NTRK3: variants seen among roughly 807,000 people sequenced by gnomAD.
NTRK3 encodes neurotrophic receptor tyrosine kinase 3.
Under a neutral mutation model 91.7 loss-of-function variants are expected in NTRK3, and 24 were observed. The observed-to-expected ratio is 0.26, with a 90% CI of 0.19 to 0.37. The LOEUF is 0.37. NTRK3 is among the 10% of genes least tolerant of loss of function. The pLI is 1.00. For missense variants in NTRK3, 880 were observed against 1,068.9 expected (o/e 0.82, Z 2.46); for synonymous variants, 483 against 404.0 (o/e 1.20, Z -2.34).
At chr15:88,136,704 G>T in intron 7 of NTRK3, 95 bp from the exon 8 acceptor site, 1 of 1,471,122 alleles carries the variant, frequency 6.8e-7, no homozygotes, top group South Asian at 1.3e-5. Flanking sequence ...TTCTTGCCTT[G>T]CCCAGTAATG....
intron 13 of NTRK3, among the ~76,000 whole-genome samples, chr15:88,046,168 A>G (rs1344802194): frequency 6.6e-6 from 1 of 152,156 alleles, no homozygotes; most frequent in Non-Finnish European, 1.5e-5. Context: ...GTGAACTGGG[A>G]GTTCAATCTA....
At chr15:88,242,959 C>T (rs1415110188) in intron 3 of NTRK3, among the ~76,000 whole-genome samples, 1 of 152,236 alleles carries the variant, frequency 6.6e-6, no homozygotes, top group African/African-American at 2.4e-5. Context: ...CCCTCCAACA[C>T]CTGCCCTAGG....
chr15:88,097,399 T>C (rs1567395503), intron 13 of NTRK3, among the ~76,000 whole-genome samples: 3 of 152,180 alleles, frequency 2.0e-5, no homozygotes, highest in Non-Finnish European at 2.9e-5. Context: ...AGGAACGCAC[T>C]GATAAGAACT....
At chr15:87,964,996 T>G (rs1191672485) in intron 14 of NTRK3, among the ~76,000 whole-genome samples, 4 of 152,236 alleles carry the variant, frequency 2.6e-5, no homozygotes, top group African/African-American at 4.8e-5. Context: ...AACCATGTGG[T>G]GAATATATCA....
chr15:87,939,927 C>T (rs941679649), intron 15 of NTRK3, among the ~76,000 whole-genome samples: 6 of 152,216 alleles, frequency 3.9e-5, no homozygotes, highest in African/African-American at 7.2e-5. Flanking sequence ...AGTCCCTTCT[C>T]TCCTACCCCA....
intron 3 of NTRK3, among the ~76,000 whole-genome samples, chr15:88,247,963 C>T (rs574928495): frequency 6.6e-6 from 1 of 152,124 alleles, no homozygotes; most frequent in Non-Finnish European, 1.5e-5. Context: ...GCTTTAGACA[C>T]CCCCCTTTTG....
intron 11 of NTRK3, 104 bp from the exon 12 acceptor site, chr15:88,127,330 G>T: frequency 1.1e-6 from 1 of 913,672 alleles, no homozygotes; most frequent in Non-Finnish European, 1.8e-6. Flanking sequence ...ACTTCCCCCT[G>T]CAGAACATCC....
intron 13 of NTRK3, among the ~76,000 whole-genome samples, chr15:88,056,709 G>T (rs1402234494): frequency 6.6e-6 from 1 of 152,210 alleles, no homozygotes; most frequent in East Asian, 1.9e-4. Flanking sequence ...AGGCAAGATA[G>T]CCTGTCCGGA....
chr15:88,218,540 A>G (rs1162388798), intron 3 of NTRK3, among the ~76,000 whole-genome samples: 3 of 152,258 alleles, frequency 2.0e-5, no homozygotes. Context: ...GCTGGGGCAC[A>G]GAAGGCACTC....
At chr15:88,127,541 T>C (rs1036571229) in intron 11 of NTRK3, among the ~76,000 whole-genome samples, 34 of 152,188 alleles carry the variant, frequency 2.2e-4, no homozygotes, top group Non-Finnish European at 4.3e-4. Context: ...CCATGAGCTA[T>C]AGAACAGAAA....
chr15:87,972,109 T>C (rs1223263763), intron 14 of NTRK3, among the ~76,000 whole-genome samples: 2 of 152,180 alleles, frequency 1.3e-5, no homozygotes, highest in Non-Finnish European at 2.9e-5. Context: ...CACTGCAGAA[T>C]GAACTTGAGG....
At chr15:88,148,712 TC>T (rs2043104599) in intron 5 of NTRK3, among the ~76,000 whole-genome samples, 1 of 152,160 alleles carries the variant, frequency 6.6e-6, no homozygotes, top group Non-Finnish European at 1.5e-5. Flanking sequence ...TGGATGGTTC[TC>T]AGCAGAGAAG....
intron 4 of NTRK3, 44 bp from the exon 5 acceptor site, chr15:88,183,533 A>G: frequency 1.3e-6 from 2 of 1,572,004 alleles, no homozygotes; most frequent in Non-Finnish European, 1.8e-6. Flanking sequence ...CAAGTGGCAG[A>G]GGGATATCTG....
At chr15:87,908,049 T>C (rs1038592440) in intron 17 of NTRK3, among the ~76,000 whole-genome samples, 9 of 152,154 alleles carry the variant, frequency 5.9e-5, no homozygotes, top group African/African-American at 2.2e-4. Context: ...TCTTATTTCC[T>C]TACAGGGAGT....
In NTRK3 at chr15:88,093,360, A is replaced by G. The variant is rs112839255; in HGVS notation, c.1396+32911T>C. Among the ~76,000 whole-genome samples, 660 of 152,240 alleles carry G rather than the reference A, an allele frequency of 4.3e-3. 5 individuals are homozygous for G. The highest frequency in any genetic ancestry group is 0.028 in the East Asian group (146 of 5,168). On this transcript the variant is annotated intron_variant, in intron 13 of 18. Coordinates refer to ENST00000394480, the Ensembl canonical transcript of NTRK3. The stretch of plus-strand genomic sequence containing the variant: ...TATTCTCCTATAACCACCAGTTTCA[A>G]TCTTAGGGTAGCATGATTAGAAAGC...
chr15:88,119,614 C>CAGG (rs2052483678), intron 13 of NTRK3, among the ~76,000 whole-genome samples: 1 of 152,172 alleles, frequency 6.6e-6, no homozygotes, highest in Non-Finnish European at 1.5e-5. Context: ...ATCCCAAGTA[C>CAGG]AGGATCATGG....
At chr15:88,113,547 C>T (rs1439810937) in intron 13 of NTRK3, among the ~76,000 whole-genome samples, 1 of 152,056 alleles carries the variant, frequency 6.6e-6, no homozygotes, top group Non-Finnish European at 1.5e-5. Flanking sequence ...AACTCTTGAC[C>T]TCAGGTGATC....
At chr15:88,154,110 C>CAAAAAAAAAAAAA (rs397736752) in intron 5 of NTRK3, among the ~76,000 whole-genome samples, 1 of 86,636 alleles carries the variant, frequency 1.2e-5, no homozygotes, top group African/African-American at 4.0e-5. Context: ...ATAGACTTTG[C>CAAAAAAAAAAAAA]AAAAAAAAAA....
At position 88,234,167 on chromosome 15, in the gene NTRK3, C is replaced by T. The variant is rs2051469480; in HGVS notation, c.248+21739G>A. ...TCAGTCAGGAGACGATGGACAGCACCCTAGTCCAATCACATCTGCCCCTCT... is the reference window on the plus strand; with the variant it reads ...TCAGTCAGGAGACGATGGACAGCACTCTAGTCCAATCACATCTGCCCCTCT... On this transcript the variant is annotated intron_variant, in intron 3 of 18. Coordinates refer to ENST00000394480, the Ensembl canonical transcript of NTRK3. This position sits in a 1 kb window ranked among gnomAD's most constrained non-coding sequence, Gnocchi z 6.1. Among the ~76,000 whole-genome samples, 1 of 151,994 alleles carries T rather than the reference C, an allele frequency of 6.6e-6. No homozygotes were observed. Among genetic ancestry groups the T allele is most frequent in the Non-Finnish European group, 1.5e-5 (1 of 67,988 alleles).
Sources: allele counts gnomAD v4.1 joint callset (sites outside exome capture counted in the v4.1 genomes callset), GRCh38; gene constraint gnomAD v4.1.1; non-coding constraint Gnocchi (gnomAD v3.1); transcripts MANE v1.5; gene names NCBI Gene and HGNC (gene_info 2026-07-23, HGNC 2026-07-21).